The following GABRG3 variants were observed in gnomAD, a reference collection of about 807,000 sequenced individuals.
GABRG3 encodes gamma-aminobutyric acid type A receptor subunit gamma3.
GABRG3 carries 25 observed loss-of-function variants against 48.8 expected under a neutral mutation model. The observed-to-expected ratio is 0.51, with a 90% CI of 0.37 to 0.72. The LOEUF (loss-of-function observed/expected upper bound fraction) is 0.72. Among genes scored for constraint, GABRG3 ranks in the 30% least tolerant of loss-of-function variants. The pLI, the probability that GABRG3 is intolerant of heterozygous loss-of-function variation, is 0.00. For missense variants in GABRG3, 394 were observed against 577.9 expected, an observed-to-expected ratio of 0.68 and a Z score of 3.26; for synonymous variants, 227 against 217.6, an observed-to-expected ratio of 1.04 and a Z score of -0.38.
At chr15:27,166,656 G>A (rs954784028) in intron 3 of GABRG3, among the ~76,000 whole-genome samples, 2 of 152,110 alleles carry the variant, frequency 1.3e-5, no homozygotes, top group Non-Finnish European at 2.9e-5. Context: ...CCAGCTTCCC[G>A]CAAGGAACTG....
intron 2 of GABRG3, among the ~76,000 whole-genome samples, chr15:26,989,182 C>T (rs796250805): frequency 2.0e-5 from 3 of 152,218 alleles, no homozygotes; most frequent in African/African-American, 7.2e-5. Context: ...GAATAGGTGA[C>T]TGGTTTCTTG....
intron 3 of GABRG3, among the ~76,000 whole-genome samples, chr15:27,211,922 A>G (rs902923737): frequency 6.6e-6 from 1 of 152,188 alleles, no homozygotes; most frequent in African/African-American, 2.4e-5. Flanking sequence ...CTGAGAAACT[A>G]GTTCTTGTTT....
chr15:27,074,571 G>T (rs1210890184), intron 3 of GABRG3, among the ~76,000 whole-genome samples: 1 of 151,800 alleles, frequency 6.6e-6, no homozygotes, highest in Non-Finnish European at 1.5e-5. Flanking sequence ...CCAGGAGGTG[G>T]CTCTAATTTC....
intron 3 of GABRG3, among the ~76,000 whole-genome samples, chr15:27,201,376 G>A (rs1397286566): frequency 6.6e-6 from 1 of 151,494 alleles, no homozygotes; most frequent in Non-Finnish European, 1.5e-5. Context: ...GTGTGTGAGA[G>A]AGAAAGAGAG....
chr15:27,378,794 CA>C (rs1327505047), intron 5 of GABRG3, among the ~76,000 whole-genome samples: 1 of 152,140 alleles, frequency 6.6e-6, no homozygotes, highest in African/African-American at 2.4e-5. Flanking sequence ...TCAGATCATG[CA>C]AACCTCTGTC....
chr15:27,220,559 A>G (rs1370341628), intron 3 of GABRG3, among the ~76,000 whole-genome samples: 1 of 152,156 alleles, frequency 6.6e-6, no homozygotes, highest in African/African-American at 2.4e-5. Flanking sequence ...CCCTTATCTG[A>G]GGACTGTGTG....
chr15:27,269,685 C>T (rs574624412), intron 3 of GABRG3, among the ~76,000 whole-genome samples: 1 of 152,166 alleles, frequency 6.6e-6, no homozygotes, highest in Non-Finnish European at 1.5e-5. Context: ...CTGCGTAGTC[C>T]TGACATTAAT....
intron 5 of GABRG3, among the ~76,000 whole-genome samples, chr15:27,347,017 G>GTTAT (rs1555373647): frequency 3.3e-5 from 5 of 151,626 alleles, no homozygotes; most frequent in African/African-American, 1.2e-4. Flanking sequence ...ATGCCTTATA[G>GTTAT]TTTTTTAAAG....
intron 3 of GABRG3, among the ~76,000 whole-genome samples, chr15:27,073,848 C>A (rs1595507336): frequency 6.6e-6 from 1 of 152,188 alleles, no homozygotes; most frequent in Non-Finnish European, 1.5e-5. Flanking sequence ...CACTGCCAAG[C>A]CCTCGTGGTG....
intron 3 of GABRG3, among the ~76,000 whole-genome samples, chr15:27,133,773 A>G (rs1810285144): frequency 6.6e-6 from 1 of 152,220 alleles, no homozygotes; most frequent in Non-Finnish European, 1.5e-5. Context: ...CAAACTGCAA[A>G]TGCAATTGGG....
chr15:27,400,022 T>G (rs1233701360), intron 5 of GABRG3, among the ~76,000 whole-genome samples: 2 of 152,206 alleles, frequency 1.3e-5, no homozygotes, highest in Non-Finnish European at 2.9e-5. Flanking sequence ...ATTTTAGTTT[T>G]TATTCTCTAT....
Position 27,055,023 on chromosome 15 carries a change from TTTTTA to T in GABRG3, c.270+28203_270+28207del, listed in dbSNP as rs1427437365. On this transcript the variant is annotated intron_variant, in intron 3 of 9. Transcript: ENST00000615808. ...CAAGACCTGTTTTTTTTTTTTTTTT[TTTTTA>T]AATGACTTGTCAGCTAATAATAGTC... 5.2e-3 allele frequency among the ~76,000 whole-genome samples: 781 copies of T among 151,046 alleles called. 7 individuals carry two copies. Among genetic ancestry groups the T allele is most frequent in the African/African-American group, 0.018 (743 of 40,900 alleles).
At chr15:27,424,552 CTT>C (rs534239781) in intron 5 of GABRG3, among the ~76,000 whole-genome samples, 17 of 133,558 alleles carry the variant, frequency 1.3e-4, no homozygotes, top group Admixed American at 3.0e-4. Context: ...AAGGTTTCAC[CTT>C]TTTTTTTTTT....
chr15:27,146,939 A>G (rs1355453687), intron 3 of GABRG3, among the ~76,000 whole-genome samples: 2 of 152,102 alleles, frequency 1.3e-5, no homozygotes, highest in African/African-American at 4.8e-5. Context: ...TACCTTATTC[A>G]TAATTACATT....
At chr15:27,052,574 A>G (rs1241328384) in intron 3 of GABRG3, among the ~76,000 whole-genome samples, 3 of 152,194 alleles carry the variant, frequency 2.0e-5, no homozygotes, top group African/African-American at 7.2e-5. Flanking sequence ...TGCTGCTTCT[A>G]AAACACACGA....
intron 3 of GABRG3, among the ~76,000 whole-genome samples, chr15:27,109,604 G>A (rs966562599): frequency 3.9e-5 from 6 of 152,070 alleles, no homozygotes; most frequent in African/African-American, 1.2e-4. Flanking sequence ...TTTCTCAGCC[G>A]GGCGCAGTGG....
At chr15:27,097,130 G>T (rs955102828) in intron 3 of GABRG3, among the ~76,000 whole-genome samples, 3 of 151,906 alleles carry the variant, frequency 2.0e-5, no homozygotes, top group African/African-American at 7.3e-5. Context: ...GGGATTACAG[G>T]TGTGAGCCAC....
chr15:27,434,076 A>G (rs1052498059), intron 5 of GABRG3, among the ~76,000 whole-genome samples: 5 of 152,196 alleles, frequency 3.3e-5, no homozygotes, highest in African/African-American at 9.7e-5. Context: ...CAGGAAATAC[A>G]TTTTTATAGC....
intron 5 of GABRG3, among the ~76,000 whole-genome samples, chr15:27,441,326 A>C (rs1047726584): frequency 6.6e-6 from 1 of 152,170 alleles, no homozygotes; most frequent in Non-Finnish European, 1.5e-5. Flanking sequence ...TATCATGTTA[A>C]ATTATTGATC....
Sources: gnomAD v4.1 joint callset for allele counts (sites outside exome capture counted in the v4.1 genomes callset) on GRCh38, gnomAD v4.1.1 for gene constraint, MANE v1.5 for transcripts, NCBI Gene and HGNC (gene_info 2026-07-23, HGNC 2026-07-21) for gene names.